The following AMZ1 variants were observed in gnomAD, a reference collection of about 807,000 sequenced individuals.
AMZ1 encodes archaemetzincin-1.
AMZ1 carries 39 observed loss-of-function variants against 29.9 expected under a neutral mutation model. That is an observed-to-expected ratio of 1.30 (90% CI 1.01 to 1.70). The LOEUF is 1.70. AMZ1 is among the 40% of genes most tolerant of loss of function. The pLI is 0.00. For synonymous variants in AMZ1, 458 were observed against 304.0 expected, an observed-to-expected ratio of 1.51 and a Z score of -5.27; for missense variants, 1,041 against 680.6, an observed-to-expected ratio of 1.53 and a Z score of -5.89.
At chr7:2,764,045 T>G (rs1202639526), upstream of AMZ1, among the ~76,000 whole-genome samples, 1 of 152,162 alleles carries the variant, frequency 6.6e-6, no homozygotes, top group Non-Finnish European at 1.5e-5. Flanking sequence ...GCTGCTGTGC[T>G]GGTGTCCTCT....
chr7:2,695,163 G>A (rs1787635098), intron 1 of AMZ1, among the ~76,000 whole-genome samples: 1 of 152,110 alleles, frequency 6.6e-6, no homozygotes, highest in Non-Finnish European at 1.5e-5. Flanking sequence ...CCCTTTCCAT[G>A]GCCACAGGAT....
chr7:2,696,544 A>G (rs1265549627), intron 1 of AMZ1, among the ~76,000 whole-genome samples: 2 of 149,088 alleles, frequency 1.3e-5, no homozygotes, highest in African/African-American at 2.5e-5. Flanking sequence ...GGCGTGAGCC[A>G]CCGCACCTGG....
At chr7:2,734,862 G>A (rs1339691923) in intron 4 of AMZ1, among the ~76,000 whole-genome samples, 1 of 152,220 alleles carries the variant, frequency 6.6e-6, no homozygotes, top group Non-Finnish European at 1.5e-5. Context: ...GCCCCAGGCA[G>A]AGGCCCAGCT....
rs551081593 is a variant in AMZ1, at chr7:2,699,355, G to A, written c.-218-879G>A. Among the ~76,000 whole-genome samples the A allele has an allele frequency of 4.6e-5, 7 of 152,266 alleles. No homozygotes were observed. The South Asian group carries it at 6.2e-4, about 14-fold the overall frequency. ...TTCTGCCAGCTCCACACCCCCCACC[G>A]TCTCCTCCCTACCTGGTCCGTCCTG... On this transcript the variant is annotated intron_variant, in intron 1 of 6. Transcript: ENST00000683327.
At chr7:2,695,480 G>T (rs1787654753) in intron 1 of AMZ1, among the ~76,000 whole-genome samples, 1 of 152,126 alleles carries the variant, frequency 6.6e-6, no homozygotes, top group Non-Finnish European at 1.5e-5. Flanking sequence ...ACTTTGGGAG[G>T]CCCATAAGGG....
downstream of AMZ1, among the ~76,000 whole-genome samples, chr7:2,723,682 C>T (rs1482399466): frequency 6.6e-6 from 1 of 152,210 alleles, no homozygotes; most frequent in Non-Finnish European, 1.5e-5. Context: ...CCCACAGCTT[C>T]AGGGCAGAGG....
In AMZ1 at chr7:2,747,630, T is replaced by G. The variant is rs570994662; in HGVS notation, n.551-17082T>G. On this transcript the variant is annotated intron_variant and non_coding_transcript_variant, in intron 4 of 4. Transcript: ENST00000489665. ...TGGCACAAGACAGGGATGCCCTCTC[T>G]CACCACTCCTATTCAATATAGTGTT... Among the ~76,000 whole-genome samples the G allele has an allele frequency of 1.1e-4, 17 of 152,300 alleles. No homozygotes were observed. The East Asian group carries it at 3.3e-3, about 29-fold the overall frequency.
At chr7:2,680,329 C>T (rs971912609) in intron 1 of AMZ1, among the ~76,000 whole-genome samples, 2 of 152,156 alleles carry the variant, frequency 1.3e-5, no homozygotes, top group African/African-American at 4.8e-5. Flanking sequence ...TCTCCGGCCC[C>T]ACAGGCTCCC....
chr7:2,750,113 G>T (rs1219571020), intron 4 of AMZ1, among the ~76,000 whole-genome samples: 1 of 152,162 alleles, frequency 6.6e-6, no homozygotes, highest in African/African-American at 2.4e-5. Context: ...ACACACTTCT[G>T]AATAATCCAC....
At chr7:2,759,021 T>A (rs999098698) in intron 4 of AMZ1, among the ~76,000 whole-genome samples, 3 of 151,812 alleles carry the variant, frequency 2.0e-5, no homozygotes, top group African/African-American at 7.3e-5. Context: ...GCGCCTGTAA[T>A]CCCAGCTACT....
intron 1 of AMZ1, among the ~76,000 whole-genome samples, chr7:2,694,624 C>T (rs1463964364): frequency 6.6e-6 from 1 of 151,360 alleles, no homozygotes; most frequent in Non-Finnish European, 1.5e-5. Context: ...GATTATATTA[C>T]ATTAATATAT....
chr7:2,762,586 A>G, upstream of AMZ1: 1 of 1,495,312 alleles, frequency 6.7e-7, no homozygotes, highest in South Asian at 1.4e-5. Context: ...AATTACATTT[A>G]CAAACCCAAA....
In AMZ1 at chr7:2,713,975, C is replaced by A. The variant is rs974776672; in HGVS notation, c.*1097C>A. On this transcript the variant is annotated 3_prime_UTR_variant, in exon 7 of 7. Transcript: ENST00000683327. ...GAGGGGTATTATTGCCATGGCTGGGCGTTTGATCTGTCTCCCTTTAGTTTT... is the reference window on the plus strand; with the variant it reads ...GAGGGGTATTATTGCCATGGCTGGGAGTTTGATCTGTCTCCCTTTAGTTTT... 6.6e-6 allele frequency: 1 copy of A among 152,048 alleles called. No individual in the cohort carries two copies. Among genetic ancestry groups the A allele is most frequent in the African/African-American group, 2.4e-5 (1 of 41,404 alleles). The allele number at this position is 152,048 out of a possible 1,614,324, so 9.4% of individuals were successfully genotyped here.
chr7:2,722,071 C>T (rs1045811945), downstream of AMZ1, among the ~76,000 whole-genome samples: 16 of 152,222 alleles, frequency 1.1e-4, no homozygotes, highest in African/African-American at 2.4e-4. Context: ...AAGGCACAGG[C>T]GCTAAAGCCA....
rs1790013293 is a variant in AMZ1 at position 2,733,637 on chromosome 7, A to T, written n.550+23821A>T. The stretch of plus-strand genomic sequence containing the variant: ...GGGAAAGCAAAGGAAAAAGGCAGAG[A>T]GTGTCCGTGTGTTTTCTAAAATAAA... On this transcript the variant is annotated intron_variant and non_coding_transcript_variant, in intron 4 of 4. Coordinates refer to the AMZ1 transcript ENST00000489665. The T allele has an allele frequency of 5.9e-6, 4 of 683,356 alleles. No individual in the cohort carries two copies. In the East Asian group the frequency reaches 8.2e-5, roughly 14 times the overall value. 42.3% of individuals were successfully genotyped at this position (683,356 alleles called of 1,614,324 possible).
upstream of AMZ1, among the ~76,000 whole-genome samples, chr7:2,686,347 A>G (rs1247262125): frequency 6.6e-6 from 1 of 152,164 alleles, no homozygotes; most frequent in Non-Finnish European, 1.5e-5. Context: ...AGCTTGAGCA[A>G]CATAGCGAGA....
At chr7:2,698,189 C>G (rs1194068632) in intron 1 of AMZ1, among the ~76,000 whole-genome samples, 1 of 152,092 alleles carries the variant, frequency 6.6e-6, no homozygotes. Flanking sequence ...CCACTATACT[C>G]TAGCCTGGGC....
chr7:2,712,588 G>A lies in AMZ1; in HGVS notation c.1207G>A (p.Ala403Thr), dbSNP rs374553343. ...GCTGCCACCTGGGGGCCCTGCGGAG[G>A]CCATCAAGGAGCATGAACGGTGGCT... ...APLPPGGPAEAIKEHERWLAM... is the reference protein window; with the variant it reads ...APLPPGGPAETIKEHERWLAM... The change falls in exon 7 of 7, where the codon GCC becomes ACC. Residue 403 changes from alanine to threonine, a missense_variant. Physicochemically the swap from Ala to Thr is moderately conservative, Grantham distance 58. Transcript: ENST00000683327. 64 of 1,612,240 alleles carry A rather than the reference G, an allele frequency of 4.0e-5. No homozygotes were observed. Among genetic ancestry groups the A allele is most frequent in the Non-Finnish European group, 5.2e-5 (61 of 1,179,638 alleles).
chr7:2,688,818 G>C (rs566869027), intron 1 of AMZ1, among the ~76,000 whole-genome samples: 1 of 152,344 alleles, frequency 6.6e-6, no homozygotes, highest in East Asian at 1.9e-4. Flanking sequence ...TGAGGGAGAA[G>C]GCTGTGGATA....
Sources: allele counts gnomAD v4.1 joint callset (sites outside exome capture counted in the v4.1 genomes callset), GRCh38; gene constraint gnomAD v4.1.1; transcripts MANE v1.5; gene names NCBI Gene and HGNC (gene_info 2026-07-23, HGNC 2026-07-21).